ERCC6L2: variants seen among roughly 807,000 people sequenced by gnomAD.
ERCC6L2 encodes ERCC excision repair 6 like 2, also known as DNA excision repair protein ERCC-6-like 2.
Under a neutral mutation model 132.0 loss-of-function variants are expected in ERCC6L2, and 77 were observed. The observed-to-expected ratio is 0.58, with a 90% CI of 0.49 to 0.71. The LOEUF (loss-of-function observed/expected upper bound fraction) is 0.71, where lower values mean the gene tolerates loss of function less well. Among genes scored for constraint, ERCC6L2 ranks in the 30% least tolerant of loss-of-function variants. The pLI, the probability that ERCC6L2 is intolerant of heterozygous loss-of-function variation, is 0.00. For synonymous variants in ERCC6L2, 583 were observed against 632.4 expected (o/e 0.92, Z 1.17); for missense variants, 1,542 against 1,837.6 (o/e 0.84, Z 2.94).
At chr9:95,913,730 G>A (rs1829451408) in intron 4 of ERCC6L2, among the ~76,000 whole-genome samples, 1 of 152,092 alleles carries the variant, frequency 6.6e-6, no homozygotes. Flanking sequence ...GCCTTAACTG[G>A]GTATTTCATA....
chr9:96,027,643 C>A (rs1427622733), intron 19 of ERCC6L2: 3 of 152,552 alleles, frequency 2.0e-5, no homozygotes, highest in African/African-American at 7.2e-5. Flanking sequence ...CACCCGTCCC[C>A]CCGGCGCCAC....
At chr9:95,927,082 G>A (rs1485960001) in intron 9 of ERCC6L2, among the ~76,000 whole-genome samples, 3 of 151,928 alleles carry the variant, frequency 2.0e-5, no homozygotes, top group Non-Finnish European at 4.4e-5. Flanking sequence ...AACTTCATAT[G>A]TTCTCCAAAT....
intron 2 of ERCC6L2, among the ~76,000 whole-genome samples, chr9:95,890,480 T>G (rs931134195): frequency 3.3e-5 from 5 of 152,226 alleles, no homozygotes. Context: ...TGATAAGTCC[T>G]GCAAATTGAC....
chr9:96,024,124 GC>G (rs1319892888), intron 19 of ERCC6L2, among the ~76,000 whole-genome samples: 1 of 152,204 alleles, frequency 6.6e-6, no homozygotes, highest in African/African-American at 2.4e-5. Flanking sequence ...TCTAAAAGTT[GC>G]TACTAACTAT....
At chr9:96,010,566 C>T (rs1849084511) in intron 18 of ERCC6L2, among the ~76,000 whole-genome samples, 1 of 152,154 alleles carries the variant, frequency 6.6e-6, no homozygotes, top group African/African-American at 2.4e-5. Flanking sequence ...CATCTTGGAC[C>T]TGAGCCTGTA....
rs1313562006 is a variant in ERCC6L2 at position 96,016,465 on chromosome 9, C to A, written c.*3262C>A. Among the ~76,000 whole-genome samples, 4 of 152,210 alleles carry A rather than the reference C, an allele frequency of 2.6e-5. No homozygotes were observed. Among genetic ancestry groups the A allele is most frequent in the African/African-American group, 9.7e-5 (4 of 41,440 alleles). ...ACCACACAGCTATTAATATTGGAAA[C>A]TGAGGCAAGATACCAAGAGATTTTT... On this transcript the variant is annotated 3_prime_UTR_variant, in exon 19 of 19. Coordinates refer to ENST00000653738, the MANE Select transcript of ERCC6L2 (RefSeq NM_020207.7).
At chr9:95,946,225 C>G (rs1831056659) in intron 12 of ERCC6L2, among the ~76,000 whole-genome samples, 1 of 152,034 alleles carries the variant, frequency 6.6e-6, no homozygotes, top group South Asian at 2.1e-4. Flanking sequence ...CTCCATATTC[C>G]TCTCTTAAAA....
At chr9:95,919,535 C>T (rs1421806145) in intron 6 of ERCC6L2, among the ~76,000 whole-genome samples, 1 of 152,116 alleles carries the variant, frequency 6.6e-6, no homozygotes, top group Admixed American at 6.5e-5. Context: ...GCTTCTAGAT[C>T]AGAGGGTCAT....
chr9:95,919,357 AT>A (rs1564223878), intron 6 of ERCC6L2, among the ~76,000 whole-genome samples: 1 of 152,230 alleles, frequency 6.6e-6, no homozygotes, highest in African/African-American at 2.4e-5. Flanking sequence ...AAATAAAAAA[AT>A]GTCACTGCTT....
At position 96,030,944 on chromosome 9, in the gene ERCC6L2, C is replaced by T. The variant is rs143976135; in HGVS notation, c.*1504-7932C>T. 1.4e-4 allele frequency among the ~76,000 whole-genome samples: 22 copies of T among 152,292 alleles called. No individual in the cohort carries two copies. In the East Asian group the frequency reaches 1.9e-3, roughly 13 times the overall value. ...CAGGCTTTCCCCTCCCTGGTGCCTC[C>T]GGACAGGCCCTGGTGCTTGTCGCGC... On this transcript the variant is annotated intron_variant and NMD_transcript_variant, in intron 19 of 20. Coordinates refer to the ERCC6L2 transcript ENST00000670016.
chr9:95,920,807 C>G (rs1048585485), intron 6 of ERCC6L2, among the ~76,000 whole-genome samples: 1 of 152,004 alleles, frequency 6.6e-6, no homozygotes, highest in Non-Finnish European at 1.5e-5. Flanking sequence ...GACAGAGTCT[C>G]GCTCTGTCGC....
At chr9:95,885,941 CTT>C (rs1484422390) in intron 2 of ERCC6L2, among the ~76,000 whole-genome samples, 1 of 152,148 alleles carries the variant, frequency 6.6e-6, no homozygotes, top group African/African-American at 2.4e-5. Flanking sequence ...GGTTAGAAAA[CTT>C]TGATTAATCT....
chr9:96,029,322 AAC>A lies in ERCC6L2; in HGVS notation c.*1504-9552_*1504-9551del, dbSNP rs1491085765. On this transcript the variant is annotated intron_variant and NMD_transcript_variant, in intron 19 of 20. Coordinates refer to the ERCC6L2 transcript ENST00000670016. ...CCGTCTCAAAAAAAAAAAAAAAAAAAACAAAAAAAAAATTAGGATGGTACAGT... is the reference window on the plus strand; with the variant it reads ...CCGTCTCAAAAAAAAAAAAAAAAAAAAAAAAAAAAATTAGGATGGTACAGT... 2.4e-3 allele frequency among the ~76,000 whole-genome samples: 348 copies of A among 147,196 alleles called. 11 individuals are homozygous for A. In the East Asian group the frequency reaches 0.054, roughly 23 times the overall value.
intron 3 of ERCC6L2, among the ~76,000 whole-genome samples, chr9:95,899,773 T>C (rs2132618687): frequency 6.6e-6 from 1 of 152,230 alleles, no homozygotes; most frequent in Non-Finnish European, 1.5e-5. Context: ...AAATAGTGTA[T>C]TTGCATATAA....
intron 14 of ERCC6L2, 123 bp downstream of exon 14, chr9:95,966,837 G>C: frequency 1.4e-6 from 1 of 730,844 alleles, no homozygotes; most frequent in Non-Finnish European, 2.0e-6. Flanking sequence ...TATCAAAAAT[G>C]CCTTGGAATT....
chr9:95,921,137 CAA>C, intron 6 of ERCC6L2, 36 bp from the exon 7 acceptor site: 1 of 1,549,068 alleles, frequency 6.5e-7, no homozygotes, highest in South Asian at 1.2e-5. Flanking sequence ...TTGTTATAAA[CAA>C]AATACTAATA....
intron 12 of ERCC6L2, among the ~76,000 whole-genome samples, chr9:95,943,865 C>A (rs558839807): frequency 1.8e-4 from 27 of 152,264 alleles, no homozygotes; most frequent in African/African-American, 6.0e-4. Context: ...AAAACAAGTC[C>A]TAGTTGAGGA....
chr9:95,952,692 C>G (rs939414900), intron 12 of ERCC6L2, among the ~76,000 whole-genome samples: 1 of 152,040 alleles, frequency 6.6e-6, no homozygotes, highest in Non-Finnish European at 1.5e-5. Flanking sequence ...TAAAAATTAG[C>G]CAGCATGGTG....
At chr9:95,889,599 C>T (rs1371820128) in intron 2 of ERCC6L2, among the ~76,000 whole-genome samples, 2 of 152,074 alleles carry the variant, frequency 1.3e-5, no homozygotes, top group Admixed American at 1.3e-4. Context: ...AACTAATATA[C>T]TAATCAAAAT....
Sources: allele counts gnomAD v4.1 joint callset (sites outside exome capture counted in the v4.1 genomes callset), GRCh38; gene constraint gnomAD v4.1.1; transcripts MANE v1.5; gene names NCBI Gene and HGNC (gene_info 2026-07-23, HGNC 2026-07-21).